The following WDPCP variants were observed in gnomAD, a reference collection of about 807,000 sequenced individuals.
WDPCP encodes WD repeat containing planar cell polarity effector, also known as WD repeat-containing and planar cell polarity effector protein fritz homolog.
A neutral mutation model predicts 93.1 loss-of-function variants in WDPCP; 71 were observed. That is an observed-to-expected ratio of 0.76 (90% CI 0.63 to 0.93). WDPCP has a LOEUF of 0.93. Among genes scored for constraint, WDPCP ranks in the 40% least tolerant of loss-of-function variants. WDPCP has a pLI of 0.00. For missense variants in WDPCP, 844 were observed against 887.4 expected, an observed-to-expected ratio of 0.95 and a Z score of 0.62; for synonymous variants, 315 against 315.0, an observed-to-expected ratio of 1.00 and a Z score of 0.00.
At chr2:63,605,858 T>C in intron 3 of WDPCP, 5 of 1,122,836 alleles carry the variant, frequency 4.5e-6, no homozygotes, top group Middle Eastern at 3.9e-4. Context: ...TAAGAAAGGG[T>C]CACCTGGTTT....
chr2:63,745,161 A>G (rs1282398730), intron 2 of WDPCP, among the ~76,000 whole-genome samples: 3 of 152,198 alleles, frequency 2.0e-5, no homozygotes, highest in Non-Finnish European at 2.9e-5. Flanking sequence ...GAGGATTTAT[A>G]AAGAGTAAAG....
chr2:63,643,805 G>T (rs1710013091), intron 3 of WDPCP: 1 of 541,888 alleles, frequency 1.8e-6, no homozygotes, highest in Non-Finnish European at 3.7e-6. Flanking sequence ...AGCAGGGTAG[G>T]TTACATCAGT....
chr2:63,690,484 G>A (rs1467146642), intron 2 of WDPCP, among the ~76,000 whole-genome samples: 6 of 152,122 alleles, frequency 3.9e-5, no homozygotes, highest in East Asian at 3.9e-4. Context: ...GCCAGGAGCC[G>A]TGACCCATGC....
At chr2:63,377,508 AAAT>A (rs1236663333) in intron 12 of WDPCP, among the ~76,000 whole-genome samples, 1 of 151,028 alleles carries the variant, frequency 6.6e-6, no homozygotes, top group African/African-American at 2.4e-5. Flanking sequence ...CACAGTTTAA[AAAT>A]AATTTTTTAT....
chr2:63,242,216 G>T (rs560715308), intron 14 of WDPCP, among the ~76,000 whole-genome samples: 1 of 152,126 alleles, frequency 6.6e-6, no homozygotes, highest in Admixed American at 6.5e-5. Context: ...TTTAAAAGGA[G>T]ATGGCAACTT....
chr2:63,521,845 C>T (rs756423063), intron 1 of WDPCP, among the ~76,000 whole-genome samples: 8 of 152,074 alleles, frequency 5.3e-5, no homozygotes, highest in Admixed American at 1.3e-4. Flanking sequence ...CGGGCCACAG[C>T]GCAATAAAAA....
chr2:63,800,369 C>T (rs1001119219), intron 2 of WDPCP, among the ~76,000 whole-genome samples: 8 of 152,170 alleles, frequency 5.3e-5, no homozygotes, highest in African/African-American at 1.9e-4. Flanking sequence ...AGACCTGTCT[C>T]TCCTATTATG....
At chr2:63,493,059 C>T (rs1700995301) in intron 1 of WDPCP, 119 bp from the exon 2 acceptor site, 1 of 855,950 alleles carries the variant, frequency 1.2e-6, no homozygotes, top group Non-Finnish European at 1.9e-6. Flanking sequence ...TGAAATATGG[C>T]CCATTAGAAT....
chr2:63,292,691 A>C (rs1031382583), intron 13 of WDPCP, among the ~76,000 whole-genome samples: 4 of 152,164 alleles, frequency 2.6e-5, no homozygotes, highest in Non-Finnish European at 4.4e-5. Context: ...CAAAAATTTT[A>C]GATCCCTTAT....
intron 2 of WDPCP, among the ~76,000 whole-genome samples, chr2:63,789,642 T>A (rs537591385): frequency 1.3e-5 from 2 of 152,318 alleles, no homozygotes; most frequent in East Asian, 3.9e-4. Flanking sequence ...GACTGTCACG[T>A]TGTTTTACAG....
chr2:63,360,821 T>G (rs1690391192), intron 12 of WDPCP, among the ~76,000 whole-genome samples: 1 of 152,222 alleles, frequency 6.6e-6, no homozygotes, highest in Non-Finnish European at 1.5e-5. Context: ...GCTGCAGGTC[T>G]TTCACTGTGA....
intron 14 of WDPCP, among the ~76,000 whole-genome samples, chr2:63,225,014 C>A (rs1678164494): frequency 6.6e-6 from 1 of 150,608 alleles, no homozygotes; most frequent in Non-Finnish European, 1.5e-5. Flanking sequence ...TAGGGGAAAT[C>A]TCTGTACCTT....
intron 1 of WDPCP, among the ~76,000 whole-genome samples, chr2:63,540,019 T>C (rs193043155): frequency 7.2e-4 from 110 of 152,328 alleles, no homozygotes; most frequent in African/African-American, 2.5e-3. Flanking sequence ...AATAGTCTCT[T>C]GAGAATTAAA....
upstream of WDPCP, among the ~76,000 whole-genome samples, chr2:63,591,664 T>A (rs575134132): frequency 1.4e-4 from 21 of 152,338 alleles, no homozygotes; most frequent in Admixed American, 3.3e-4. Context: ...TACCCTAACC[T>A]TCCTTCATTC....
chr2:63,247,275 T>C (rs192212730), intron 14 of WDPCP, among the ~76,000 whole-genome samples: 1 of 152,330 alleles, frequency 6.6e-6, no homozygotes, highest in East Asian at 1.9e-4. Flanking sequence ...TTGTTTGTTG[T>C]TGCTGTTGTG....
chr2:63,209,642 T>C (rs181912643), intron 14 of WDPCP, among the ~76,000 whole-genome samples: 4 of 152,334 alleles, frequency 2.6e-5, no homozygotes, highest in Admixed American at 1.3e-4. Flanking sequence ...GTGTTCATTA[T>C]TGTAGTTGCT....
At chr2:63,567,831 G>A (rs1488758911) in intron 1 of WDPCP, among the ~76,000 whole-genome samples, 1 of 152,214 alleles carries the variant, frequency 6.6e-6, no homozygotes, top group African/African-American at 2.4e-5. Context: ...TGTTTGGCCA[G>A]TGCCTTTCAC....
chr2:63,509,482 G>A (rs1330974121), intron 1 of WDPCP, among the ~76,000 whole-genome samples: 2 of 152,116 alleles, frequency 1.3e-5, no homozygotes, highest in Non-Finnish European at 2.9e-5. Flanking sequence ...GAGAAAGCAG[G>A]AAAGATCGAA....
chr2:63,571,553 T>A (rs1186174170), intron 1 of WDPCP: 2 of 470,950 alleles, frequency 4.2e-6, no homozygotes, highest in East Asian at 1.4e-4. Flanking sequence ...AGTTTATGCC[T>A]GCTATGGTCA....
Sources: gnomAD v4.1 joint callset for allele counts (sites outside exome capture counted in the v4.1 genomes callset) on GRCh38, gnomAD v4.1.1 for gene constraint, MANE v1.5 for transcripts, NCBI Gene and HGNC (gene_info 2026-07-23, HGNC 2026-07-21) for gene names.